VOPP1: variants seen among roughly 807,000 people sequenced by gnomAD.
VOPP1 encodes WW domain binding protein VOPP1.
Under a neutral mutation model 23.5 loss-of-function variants are expected in VOPP1, and 8 were observed. That is an observed-to-expected ratio of 0.34 (90% CI 0.20 to 0.61). VOPP1 has a LOEUF of 0.61. Among genes scored for constraint, VOPP1 ranks in the 20% least tolerant of loss-of-function variants. The pLI is 0.78. For missense variants in VOPP1, 174 were observed against 238.1 expected (o/e 0.73, Z 1.77); for synonymous variants, 83 against 97.3 (o/e 0.85, Z 0.86).
chr7:55,438,156 A>G (rs921726439), intron 4 of VOPP1, among the ~76,000 whole-genome samples: 3 of 151,992 alleles, frequency 2.0e-5, no homozygotes, highest in Non-Finnish European at 4.4e-5. Context: ...CGGCCCCCCA[A>G]AGTGCTGGGA....
chr7:55,441,759 C>T (rs918407315), intron 4 of VOPP1, among the ~76,000 whole-genome samples: 1 of 152,288 alleles, frequency 6.6e-6, no homozygotes, highest in East Asian at 1.9e-4. Flanking sequence ...CAGACCTGCC[C>T]CACTTCCTTG....
chr7:55,520,724 A>C (rs1449273706), intron 2 of VOPP1, among the ~76,000 whole-genome samples: 2 of 152,232 alleles, frequency 1.3e-5, no homozygotes, highest in African/African-American at 4.8e-5. Context: ...TCAAGCTCAT[A>C]AGTCTGCTCC....
chr7:55,488,240 G>A (rs1032161312), intron 4 of VOPP1, among the ~76,000 whole-genome samples: 1 of 152,132 alleles, frequency 6.6e-6, no homozygotes, highest in East Asian at 1.9e-4. Flanking sequence ...TGCAGTTAAG[G>A]TGCTGAGGTT....
chr7:55,567,823 ACT>A (rs1798212320), intron 1 of VOPP1, among the ~76,000 whole-genome samples: 1 of 151,770 alleles, frequency 6.6e-6, no homozygotes, highest in South Asian at 2.1e-4. Context: ...GTTTCTAAAA[ACT>A]CTTAAGAGTG....
chr7:55,570,944 A>C (rs1798331144), intron 1 of VOPP1, among the ~76,000 whole-genome samples: 1 of 152,186 alleles, frequency 6.6e-6, no homozygotes, highest in African/African-American at 2.4e-5. Context: ...TCCATCTCAA[A>C]ACTAAAGAAA....
intron 1 of VOPP1, among the ~76,000 whole-genome samples, chr7:55,524,856 A>G (rs1796075819): frequency 6.6e-6 from 1 of 152,164 alleles, no homozygotes; most frequent in Admixed American, 6.5e-5. Context: ...GTCTCTGCCT[A>G]CCAAGTCCAA....
intron 4 of VOPP1, among the ~76,000 whole-genome samples, chr7:55,460,025 C>G (rs1025850223): frequency 2.6e-5 from 4 of 151,760 alleles, no homozygotes. Context: ...CCTTTTAGCA[C>G]TGCTTTTCTG....
intron 1 of VOPP1, among the ~76,000 whole-genome samples, chr7:55,563,754 A>G (rs1349779357): frequency 1.3e-5 from 2 of 152,248 alleles, no homozygotes; most frequent in African/African-American, 4.8e-5. Flanking sequence ...CACCTGTAAC[A>G]TCACACTGGC....
At chr7:55,545,169 T>C (rs1317811551) in intron 1 of VOPP1, among the ~76,000 whole-genome samples, 2 of 152,346 alleles carry the variant, frequency 1.3e-5, no homozygotes, top group East Asian at 3.9e-4. Flanking sequence ...TATTAAACTT[T>C]CCATTTATAT....
At chr7:55,550,572 C>A (rs1468143586) in intron 1 of VOPP1, among the ~76,000 whole-genome samples, 1 of 152,116 alleles carries the variant, frequency 6.6e-6, no homozygotes, top group African/African-American at 2.4e-5. Context: ...CCAAAATGTA[C>A]AAAGATGTTC....
At chr7:55,435,433 G>C (rs935714577), downstream of VOPP1, among the ~76,000 whole-genome samples, 1 of 152,180 alleles carries the variant, frequency 6.6e-6, no homozygotes, top group Non-Finnish European at 1.5e-5. Flanking sequence ...TCCTGTGGTA[G>C]AAGATGCTGC....
intron 2 of VOPP1, among the ~76,000 whole-genome samples, chr7:55,503,712 T>C (rs1413713992): frequency 2.0e-5 from 3 of 152,116 alleles, no homozygotes; most frequent in African/African-American, 7.2e-5. Context: ...AGAAGAGCCA[T>C]GAAGAGGGCT....
At chr7:55,533,873 C>A (rs1202276635) in intron 1 of VOPP1, among the ~76,000 whole-genome samples, 2 of 152,092 alleles carry the variant, frequency 1.3e-5, no homozygotes, top group Admixed American at 1.3e-4. Context: ...TTTCTCGTAC[C>A]CAGTGTGTGG....
chr7:55,518,165 C>T (rs1013306665), intron 2 of VOPP1, among the ~76,000 whole-genome samples: 21 of 152,230 alleles, frequency 1.4e-4, no homozygotes, highest in African/African-American at 5.1e-4. Flanking sequence ...GGTCAGAATT[C>T]GCAGTCACGT....
In VOPP1 at chr7:55,530,644, C is replaced by T. The variant is rs78845449; in HGVS notation, c.55-9514G>A. Among the ~76,000 whole-genome samples the T allele has an allele frequency of 3.5e-4, 54 of 152,280 alleles. No homozygotes were observed. In the East Asian group the frequency reaches 9.6e-3, roughly 27 times the overall value. ...AAGTTTTCTGTGTCATCATAATCCACGACCCACCCTTTGGAATGTCTGTCA... is the reference window on the plus strand; with the variant it reads ...AAGTTTTCTGTGTCATCATAATCCATGACCCACCCTTTGGAATGTCTGTCA... On this transcript the variant is annotated intron_variant, in intron 1 of 4. Coordinates refer to ENST00000285279, the MANE Select transcript of VOPP1 (RefSeq NM_030796.5).
chr7:55,474,817 G>A (rs1192250226), intron 4 of VOPP1, among the ~76,000 whole-genome samples: 3 of 152,262 alleles, frequency 2.0e-5, no homozygotes, highest in African/African-American at 7.2e-5. Flanking sequence ...GGCCAGGAGA[G>A]GAGCATGAAG....
chr7:55,504,462 A>C (rs142398251), intron 2 of VOPP1, among the ~76,000 whole-genome samples: 1,673 of 152,328 alleles, frequency 0.011, 11 homozygotes, highest in Middle Eastern at 0.02. Context: ...GCAGAGGAAG[A>C]CTCGGTCCTT....
intron 1 of VOPP1, chr7:55,521,575 A>T: frequency 9.1e-6 from 9 of 988,696 alleles, no homozygotes; most frequent in Non-Finnish European, 1.1e-5. Context: ...CCGCATTCCG[A>T]CCTACGTCTG....
At chr7:55,462,123 GAC>G (rs1791515888) in intron 4 of VOPP1, among the ~76,000 whole-genome samples, 1 of 152,182 alleles carries the variant, frequency 6.6e-6, no homozygotes, top group Admixed American at 6.5e-5. Context: ...GTTCTTGCGT[GAC>G]AGTTTTCTTT....
Sources: gnomAD v4.1 joint callset for allele counts (sites outside exome capture counted in the v4.1 genomes callset) on GRCh38, gnomAD v4.1.1 for gene constraint, MANE v1.5 for transcripts, NCBI Gene and HGNC (gene_info 2026-07-23, HGNC 2026-07-21) for gene names.